The following GALNT7 variants were observed in gnomAD, a reference collection of about 807,000 sequenced individuals.
GALNT7 encodes the protein N-acetylgalactosaminyltransferase 7.
In GALNT7, 60 loss-of-function variants were observed where a neutral mutation model predicts 82.1. The observed-to-expected ratio is 0.73, with a 90% confidence interval of 0.59 to 0.91. GALNT7 has a LOEUF of 0.91. Ranked by LOEUF, GALNT7 falls within the 40% of genes least tolerant of loss-of-function variation. The probability of loss-of-function intolerance (pLI) is 0.00; values close to 1 mark genes in which losing one functional copy is unlikely to be tolerated. For synonymous variants in GALNT7, 243 were observed against 275.1 expected, an observed-to-expected ratio of 0.88 and a Z score of 1.15; for missense variants, 660 against 804.2, an observed-to-expected ratio of 0.82 and a Z score of 2.17.
At chr4:173,194,406 T>C (rs1732712983) in intron 1 of GALNT7, among the ~76,000 whole-genome samples, 1 of 152,236 alleles carries the variant, frequency 6.6e-6, no homozygotes, top group South Asian at 2.1e-4. Context: ...AAAAAAATGT[T>C]TGGAAAGCTG....
At chr4:173,180,779 C>T (rs1191221971) in intron 1 of GALNT7, among the ~76,000 whole-genome samples, 1 of 152,330 alleles carries the variant, frequency 6.6e-6, no homozygotes, top group South Asian at 2.1e-4. Flanking sequence ...AATCTTTACC[C>T]TTCTCCTGGT....
rs573850958 is a variant in GALNT7, at chr4:173,296,252, G to A, written c.965+409G>A. ...GTACTTTCAATAGTAAAGACCAGGT[G>A]TTACTTGTGTCAAGGTTTTGGGTTC... On this transcript the variant is annotated intron_variant, in intron 5 of 11. Coordinates refer to ENST00000265000, the MANE Select transcript of GALNT7 (RefSeq NM_017423.3). 4.5e-4 allele frequency among the ~76,000 whole-genome samples: 68 copies of A among 152,284 alleles called. No individual in the cohort carries two copies. The South Asian group carries it at 0.013, about 30-fold the overall frequency.
chr4:173,210,161 CTTAT>C (rs1001374222), intron 1 of GALNT7, among the ~76,000 whole-genome samples: 9 of 151,736 alleles, frequency 5.9e-5, no homozygotes, highest in African/African-American at 1.9e-4. Flanking sequence ...AAAAGAAATA[CTTAT>C]TTAATTATGC....
chr4:173,198,735 G>A (rs1342627564), intron 1 of GALNT7, among the ~76,000 whole-genome samples: 1 of 152,222 alleles, frequency 6.6e-6, no homozygotes, highest in Admixed American at 6.5e-5. Context: ...CTTTCTGTGT[G>A]CCACAGACAC....
chr4:173,209,452 G>A (rs1733202724), intron 1 of GALNT7, among the ~76,000 whole-genome samples: 1 of 152,210 alleles, frequency 6.6e-6, no homozygotes, highest in Non-Finnish European at 1.5e-5. Flanking sequence ...ACTGGAGAAT[G>A]CAGTACATGC....
intron 1 of GALNT7, among the ~76,000 whole-genome samples, chr4:173,183,838 C>T (rs1004588498): frequency 6.6e-6 from 1 of 150,942 alleles, no homozygotes; most frequent in African/African-American, 2.5e-5. Context: ...CCCCACCTCC[C>T]AGACGGGGCG....
At chr4:173,281,938 G>A (rs1736123872) in intron 2 of GALNT7, among the ~76,000 whole-genome samples, 2 of 152,266 alleles carry the variant, frequency 1.3e-5, no homozygotes, top group Admixed American at 6.5e-5. Context: ...ACAAGTACCC[G>A]GGGTTCTTTG....
At chr4:173,267,131 C>A (rs1467640638) in intron 2 of GALNT7, among the ~76,000 whole-genome samples, 1 of 151,996 alleles carries the variant, frequency 6.6e-6, no homozygotes, top group East Asian at 1.9e-4. Context: ...GGTGCATATC[C>A]TAAATACCCT....
At chr4:173,311,530 A>G (rs1737383981) in intron 8 of GALNT7, among the ~76,000 whole-genome samples, 1 of 152,196 alleles carries the variant, frequency 6.6e-6, no homozygotes, top group Non-Finnish European at 1.5e-5. Flanking sequence ...AGGGGGAGCA[A>G]GGCGTCTCAC....
chr4:173,315,856 C>G (rs77451112), intron 9 of GALNT7: 3,356 of 152,328 alleles, frequency 0.022, 46 homozygotes, highest in Non-Finnish European at 0.035. Context: ...TCTCCTCCCC[C>G]CAACCCATCT....
At chr4:173,232,506 C>T (rs1734062608) in intron 1 of GALNT7, among the ~76,000 whole-genome samples, 2 of 151,782 alleles carry the variant, frequency 1.3e-5, no homozygotes, top group Non-Finnish European at 2.9e-5. Context: ...GACCATAGTT[C>T]ACTGCAGCCT....
chr4:173,301,192 T>A (rs1736917168), intron 6 of GALNT7, among the ~76,000 whole-genome samples: 1 of 151,958 alleles, frequency 6.6e-6, no homozygotes, highest in Admixed American at 6.6e-5. Context: ...ATAGGTTCCA[T>A]TGAACCTATT....
intron 1 of GALNT7, among the ~76,000 whole-genome samples, chr4:173,213,163 C>G (rs1330754374): frequency 6.6e-6 from 1 of 152,066 alleles, no homozygotes. Context: ...CTGATGTATT[C>G]TTAGTGGTCA....
chr4:173,288,537 A>G (rs548658069), intron 2 of GALNT7, among the ~76,000 whole-genome samples: 1 of 152,078 alleles, frequency 6.6e-6, no homozygotes, highest in Admixed American at 6.5e-5. Flanking sequence ...CTCTGACTCC[A>G]TCTATCCAGG....
intron 2 of GALNT7, among the ~76,000 whole-genome samples, chr4:173,284,721 G>GA (rs529021490): frequency 2.3e-3 from 333 of 141,970 alleles, no homozygotes; most frequent in Middle Eastern, 0.022. Context: ...TCAAAAATTT[G>GA]AAAAAAAAAA....
chr4:173,279,232 G>A (rs1317408689), intron 2 of GALNT7, among the ~76,000 whole-genome samples: 1 of 152,190 alleles, frequency 6.6e-6, no homozygotes, highest in East Asian at 1.9e-4. Flanking sequence ...AATCATGGCA[G>A]AAGGCAAAGG....
At chr4:173,240,464 G>A (rs1381120468) in intron 1 of GALNT7, among the ~76,000 whole-genome samples, 1 of 148,382 alleles carries the variant, frequency 6.7e-6, no homozygotes, top group Non-Finnish European at 1.5e-5. Context: ...TGCCTCCCGA[G>A]TTCAAGAGGT....
intron 1 of GALNT7, 93 bp downstream of exon 1, chr4:173,169,054 G>C: frequency 7.7e-7 from 1 of 1,297,920 alleles, no homozygotes; most frequent in Non-Finnish European, 1.1e-6. Flanking sequence ...CGGGGTCGCG[G>C]CACGGCGTGG....
intron 2 of GALNT7, among the ~76,000 whole-genome samples, chr4:173,285,280 C>T (rs762020664): frequency 1.4e-4 from 21 of 152,244 alleles, no homozygotes; most frequent in Middle Eastern, 3.4e-3. Flanking sequence ...TAACTCTTAG[C>T]GATTTTTAAC....
Sources: allele counts gnomAD v4.1 joint callset (sites outside exome capture counted in the v4.1 genomes callset), GRCh38; gene constraint gnomAD v4.1.1; transcripts MANE v1.5; gene names NCBI Gene and HGNC (gene_info 2026-07-23, HGNC 2026-07-21).